The following DNAH9 variants were observed in gnomAD, a reference collection of about 807,000 sequenced individuals.
DNAH9 encodes the protein dynein axonemal heavy chain 9.
In DNAH9, 345 loss-of-function variants were observed where a neutral mutation model predicts 471.6. The ratio of observed to expected loss-of-function variants is 0.73; its 90% CI spans 0.67 to 0.80. DNAH9 has a LOEUF of 0.80. Ranked by LOEUF, DNAH9 falls within the 30% of genes least tolerant of loss-of-function variation. The pLI is 0.00. For missense variants in DNAH9, 5,407 were observed against 5,609.2 expected, an observed-to-expected ratio of 0.96 and a Z score of 1.15; for synonymous variants, 2,093 against 2,123.6, an observed-to-expected ratio of 0.99 and a Z score of 0.40.
chr17:11,726,155 C>G (rs1408182384), intron 27 of DNAH9, among the ~76,000 whole-genome samples: 1 of 152,142 alleles, frequency 6.6e-6, no homozygotes, highest in Admixed American at 6.5e-5. Context: ...TCTATCTATA[C>G]AGATACTCCT....
chr17:11,852,007 C>A (rs1971440399), intron 49 of DNAH9, among the ~76,000 whole-genome samples: 1 of 152,154 alleles, frequency 6.6e-6, no homozygotes, highest in Admixed American at 6.5e-5. Flanking sequence ...CCCTCTGTCA[C>A]CTCAGGGGGC....
intron 49 of DNAH9, among the ~76,000 whole-genome samples, chr17:11,853,660 C>T (rs1171179384): frequency 6.6e-6 from 1 of 152,114 alleles, no homozygotes. Flanking sequence ...TTATAATAAC[C>T]TTATCTTTTA....
chr17:11,617,832 C>A (rs2072777482), intron 5 of DNAH9, among the ~76,000 whole-genome samples: 3 of 152,218 alleles, frequency 2.0e-5, no homozygotes, highest in Non-Finnish European at 2.9e-5. Flanking sequence ...GCCATCCTGT[C>A]TTCCTTTCCC....
chr17:11,923,914 C>T lies in DNAH9; in HGVS notation c.11850C>T (p.Ala3950=). 1 of 1,613,974 alleles carries T rather than the reference C, an allele frequency of 6.2e-7. No individual in the cohort carries two copies. The highest frequency in any genetic ancestry group is 8.5e-7 in the Non-Finnish European group (1 of 1,179,944). ...CTGAGGCTGCGCTGGACCTCGCTGC[C>T]AAGAAAGGTCACTGGGTTATTTTGC... ...VVAEAALDLA[A]KKGHWVILQN... Residue 3950 remains alanine, a synonymous_variant, in exon 62 of 69, where the codon GCC becomes GCT. Transcript: ENST00000262442.
intron 50 of DNAH9, among the ~76,000 whole-genome samples, chr17:11,860,572 T>C (rs1018126504): frequency 1.3e-5 from 2 of 151,404 alleles, no homozygotes; most frequent in African/African-American, 4.8e-5. Flanking sequence ...TGTTTGTTGT[T>C]TTTTTTTTGA....
intron 67 of DNAH9, among the ~76,000 whole-genome samples, chr17:11,946,291 G>A (rs1975121270): frequency 6.7e-6 from 1 of 149,994 alleles, no homozygotes; most frequent in South Asian, 2.1e-4. Flanking sequence ...TTTAGAAACA[G>A]ATTTTGTCTA....
chr17:11,779,340 TCTC>T (rs754329475), intron 38 of DNAH9, among the ~76,000 whole-genome samples: 28 of 152,096 alleles, frequency 1.8e-4, no homozygotes, highest in Non-Finnish European at 3.2e-4. Flanking sequence ...ACCCTCTTCT[TCTC>T]CTCCAATTCT....
intron 41 of DNAH9, among the ~76,000 whole-genome samples, chr17:11,785,016 T>TC (rs1348142557): frequency 5.9e-5 from 9 of 152,150 alleles, no homozygotes; most frequent in African/African-American, 2.2e-4. Context: ...TGCCAGCCTC[T>TC]AAGAGGGTCT....
intron 28 of DNAH9, among the ~76,000 whole-genome samples, chr17:11,731,220 G>C (rs79978153): frequency 0.016 from 2,385 of 152,064 alleles, 38 homozygotes; most frequent in South Asian, 0.049. Context: ...TGATGGGGAT[G>C]GTGGTGGCAA....
At chr17:11,680,953 C>G in intron 19 of DNAH9, 64 bp downstream of exon 19, 2 of 1,426,486 alleles carry the variant, frequency 1.4e-6, no homozygotes, top group Non-Finnish European at 1.9e-6. Flanking sequence ...CATGGATAAT[C>G]TTTTTGTGGG....
chr17:11,609,999 G>T (rs2072598440), intron 2 of DNAH9, among the ~76,000 whole-genome samples: 1 of 152,242 alleles, frequency 6.6e-6, no homozygotes, highest in Admixed American at 6.5e-5. Flanking sequence ...GCTGCTTTGT[G>T]AAGTCGAGAG....
At chr17:11,725,740 G>A (rs111370299) in intron 27 of DNAH9, among the ~76,000 whole-genome samples, 8,802 of 152,130 alleles carry the variant, frequency 0.058, 359 homozygotes, top group South Asian at 0.12. Flanking sequence ...GGTGGTGCAC[G>A]CCTGTAATCT....
intron 1 of DNAH9, among the ~76,000 whole-genome samples, chr17:11,606,517 C>T (rs1269148778): frequency 6.2e-5 from 8 of 128,786 alleles, no homozygotes; most frequent in Non-Finnish European, 7.7e-5. Flanking sequence ...GGTGCAATCT[C>T]GGCTCACTGC....
chr17:11,664,700 G>A (rs1008649194), intron 14 of DNAH9, 133 bp from the exon 15 acceptor site: 77 of 719,802 alleles, frequency 1.1e-4, no homozygotes, highest in Non-Finnish European at 1.6e-4. Context: ...GAGTGGATTC[G>A]ATACATGTGT....
chr17:11,632,959 T>C (rs2073096990), intron 8 of DNAH9, among the ~76,000 whole-genome samples: 1 of 152,166 alleles, frequency 6.6e-6, no homozygotes, highest in East Asian at 1.9e-4. Context: ...TGCGGTGATC[T>C]CTTTAGGTGC....
rs550300868 is a variant in DNAH9 at position 11,877,473 on chromosome 17, TAAAAAAAAAAAA to T, written c.10478+2308_10478+2319del. On this transcript the variant is annotated intron_variant, in intron 53 of 68. Coordinates refer to ENST00000262442, the MANE Select transcript of DNAH9 (RefSeq NM_001372.4). ...GGGGGACAAGAACGAAAACTCTGTC[TAAAAAAAAAAAA>T]AAAAAAAAAAAAAAAAAAGTAATGG... 2.1e-3 allele frequency among the ~76,000 whole-genome samples: 144 copies of T among 68,634 alleles called. 3 individuals are homozygous for T. In the East Asian group the frequency reaches 0.043, roughly 20 times the overall value. The allele number at this position is 68,634 out of a possible 152,430, so 45.0% of individuals were successfully genotyped here.
rs183497920 is a variant in DNAH9, at chr17:11,750,408, T to C, written c.6611-2425T>C. 1.6e-4 allele frequency among the ~76,000 whole-genome samples: 24 copies of C among 152,318 alleles called. No homozygotes were observed. In the South Asian group the frequency reaches 4.6e-3, roughly 29 times the overall value. ...CAGAAAAATAAGTACATAAAGGAATTGGCAATTATATCACCAAACTCAATA... is the reference window on the plus strand; with the variant it reads ...CAGAAAAATAAGTACATAAAGGAATCGGCAATTATATCACCAAACTCAATA... On this transcript the variant is annotated intron_variant, in intron 32 of 68. Coordinates refer to ENST00000262442, the MANE Select transcript of DNAH9 (RefSeq NM_001372.4).
At chr17:11,776,518 C>G (rs1380815329) in intron 38 of DNAH9, among the ~76,000 whole-genome samples, 2 of 152,118 alleles carry the variant, frequency 1.3e-5, no homozygotes, top group African/African-American at 4.8e-5. Context: ...GAAATGGTGT[C>G]CAGCACAGAT....
chr17:11,697,855 CCTTA>C lies in DNAH9; in HGVS notation c.4873-1872_4873-1869del, dbSNP rs759171348. Among the ~76,000 whole-genome samples, 170 of 151,868 alleles carry C rather than the reference CCTTA, an allele frequency of 1.1e-3. 1 individual carries two copies. Among genetic ancestry groups the C allele is most frequent in the Middle Eastern group, 6.9e-3 (2 of 290 alleles). ...AACTGTACTCTGTCATTGTTAGTCT[CCTTA>C]CTTTATTTCTCTACCTCTGCCAACT... On this transcript the variant is annotated intron_variant, in intron 22 of 68. Transcript: ENST00000262442.
Sources: gnomAD v4.1 joint callset for allele counts (sites outside exome capture counted in the v4.1 genomes callset) on GRCh38, gnomAD v4.1.1 for gene constraint, MANE v1.5 for transcripts, NCBI Gene and HGNC (gene_info 2026-07-23, HGNC 2026-07-21) for gene names.